LDB3: variants seen among roughly 807,000 people sequenced by gnomAD.
LDB3 encodes the protein LIM domain-binding protein 3.
A neutral mutation model predicts 69.0 loss-of-function variants in LDB3; 49 were observed. The ratio of observed to expected loss-of-function variants is 0.71; its 90% CI spans 0.56 to 0.90. LDB3 has a LOEUF of 0.90. Ranked by LOEUF, LDB3 falls within the 40% of genes least tolerant of loss-of-function variation. The pLI is 0.00. For synonymous variants in LDB3, 387 were observed against 396.2 expected (o/e 0.98, Z 0.28); for missense variants, 928 against 974.1 (o/e 0.95, Z 0.63).
chr10:86,697,376 C>T (rs2132434560), intron 7 of LDB3, among the ~76,000 whole-genome samples: 1 of 151,564 alleles, frequency 6.6e-6, no homozygotes, highest in East Asian at 1.9e-4. Context: ...CATGTGACAC[C>T]ACGCCCGGCT....
chr10:86,698,264 A>G (rs1293677247), intron 7 of LDB3, among the ~76,000 whole-genome samples: 2 of 152,260 alleles, frequency 1.3e-5, no homozygotes, highest in Admixed American at 6.5e-5. Flanking sequence ...TGAGTGTCCC[A>G]ATAGTTCATC....
chr10:86,695,021 AG>A (rs1845938893), intron 7 of LDB3, among the ~76,000 whole-genome samples: 1 of 152,206 alleles, frequency 6.6e-6, no homozygotes, highest in African/African-American at 2.4e-5. Context: ...GAGTTTCCCC[AG>A]GAAGGCTTCC....
At chr10:86,693,215 CAT>C (rs1845850018) in intron 7 of LDB3, among the ~76,000 whole-genome samples, 1 of 151,634 alleles carries the variant, frequency 6.6e-6, no homozygotes, top group Non-Finnish European at 1.5e-5. Flanking sequence ...GTCAGGTGCT[CAT>C]AGCATGAGGT....
chr10:86,670,577 T>C (rs1844415899), intron 2 of LDB3, among the ~76,000 whole-genome samples: 1 of 152,214 alleles, frequency 6.6e-6, no homozygotes, highest in Non-Finnish European at 1.5e-5. Flanking sequence ...AGGGTCTATG[T>C]GCCACCTGGC....
At chr10:86,680,556 T>A (rs930527782) in intron 4 of LDB3, among the ~76,000 whole-genome samples, 1 of 152,206 alleles carries the variant, frequency 6.6e-6, no homozygotes, top group African/African-American at 2.4e-5. Flanking sequence ...GAGGCCCAGC[T>A]TGACGAGGAC....
rs539477836 is a variant in LDB3, at chr10:86,692,243, C to T, written c.859+178C>T. On this transcript the variant is annotated intron_variant, in intron 6 of 13. Transcript: ENST00000361373. ...TTCTGGGCCTCTCAGGCAGGCTGTCCGGTGACAGCAGCCTTCTGCTCCAAT... is the reference window on the plus strand; with the variant it reads ...TTCTGGGCCTCTCAGGCAGGCTGTCTGGTGACAGCAGCCTTCTGCTCCAAT... Among the ~76,000 whole-genome samples the T allele has an allele frequency of 9.2e-5, 14 of 152,348 alleles. No homozygotes were observed. In the South Asian group the frequency reaches 2.1e-3, roughly 23 times the overall value.
intron 11 of LDB3, among the ~76,000 whole-genome samples, chr10:86,718,521 A>G (rs528494941): frequency 6.6e-6 from 1 of 152,298 alleles, no homozygotes; most frequent in East Asian, 1.9e-4. Flanking sequence ...TTTATGTAAG[A>G]AAGCACAGAA....
chr10:86,724,378 G>C (rs1847184891), intron 12 of LDB3, among the ~76,000 whole-genome samples: 1 of 152,038 alleles, frequency 6.6e-6, no homozygotes, highest in Non-Finnish European at 1.5e-5. Context: ...GCAGAGGCAG[G>C]TGGATCACAG....
chr10:86,703,221 G>C (rs1846325583), intron 7 of LDB3, among the ~76,000 whole-genome samples: 1 of 152,206 alleles, frequency 6.6e-6, no homozygotes, highest in African/African-American at 2.4e-5. Flanking sequence ...GGGCCATGGA[G>C]AGCAGATAAA....
intron 5 of LDB3, among the ~76,000 whole-genome samples, chr10:86,689,175 C>G (rs1845643714): frequency 6.6e-6 from 1 of 152,176 alleles, no homozygotes; most frequent in Non-Finnish European, 1.5e-5. Context: ...GTTTCTGACC[C>G]TAACCCGGCT....
intron 5 of LDB3, among the ~76,000 whole-genome samples, chr10:86,691,280 G>GC (rs1382112110): frequency 1.3e-5 from 2 of 152,304 alleles, no homozygotes; most frequent in Admixed American, 1.3e-4. Flanking sequence ...CTTCCATGCA[G>GC]CCCCACTCCC....
rs377126817 is a variant in LDB3, at chr10:86,699,699, C to A, written c.897-6832C>A. ...GCAGGAGGGGTTTGCTGGCATAACA[C>A]CCCAGAACCAAGGGAAATGGATGGG... On this transcript the variant is annotated intron_variant, in intron 7 of 13. Coordinates refer to ENST00000361373, the MANE Select transcript of LDB3 (RefSeq NM_007078.3). This position sits in a 1 kb window ranked among gnomAD's most constrained non-coding sequence, Gnocchi z 4.9. The A allele has an allele frequency of 2.7e-4, 318 of 1,189,094 alleles. No individual in the cohort carries two copies. The African/African-American group carries it at 4.5e-3, about 17-fold the overall frequency. The allele number at this position is 1,189,094 out of a possible 1,614,324, so 73.7% of individuals were successfully genotyped here.
intron 7 of LDB3, among the ~76,000 whole-genome samples, chr10:86,694,658 C>A (rs7086308): frequency 0.06 from 9,150 of 152,250 alleles, 865 homozygotes; most frequent in African/African-American, 0.21. Flanking sequence ...TCACTGAATC[C>A]CAAGCAGTGA....
intron 9 of LDB3, among the ~76,000 whole-genome samples, chr10:86,715,814 C>T (rs1292670047): frequency 6.6e-6 from 1 of 152,080 alleles, no homozygotes; most frequent in Non-Finnish European, 1.5e-5. Flanking sequence ...AAACCTGAAA[C>T]CTGAACCTGA....
rs1349777020 is a variant in LDB3, at chr10:86,699,097, C to A, written c.896+6526C>A. On this transcript the variant is annotated intron_variant, in intron 7 of 13. Transcript: ENST00000361373. The surrounding 1 kb of genome is among the most constrained non-coding windows in gnomAD (Gnocchi z 4.9). ...AGGCCTGACCTGGGTTACAATGTAC[C>A]CCATGGATTGCATAGCTTCTCCAAG... Among the ~76,000 whole-genome samples, 2 of 152,062 alleles carry A rather than the reference C, an allele frequency of 1.3e-5. No homozygotes were observed. Among genetic ancestry groups the A allele is most frequent in the African/African-American group, 2.4e-5 (1 of 41,410 alleles).
intron 2 of LDB3, among the ~76,000 whole-genome samples, chr10:86,670,032 T>TCCG (rs202060591): frequency 6.6e-6 from 1 of 151,486 alleles, no homozygotes; most frequent in South Asian, 2.1e-4. Flanking sequence ...GAGTAATCTT[T>TCCG]TTTTTGTTCC....
At chr10:86,668,411 G>A (rs1264590308), upstream of LDB3, 9 of 526,560 alleles carry the variant, frequency 1.7e-5, no homozygotes, top group African/African-American at 1.7e-4. Flanking sequence ...TGGTGGACCG[G>A]CTGGGAGGCG....
chr10:86,712,694 A>G (rs765593506), intron 9 of LDB3, among the ~76,000 whole-genome samples: 4 of 152,230 alleles, frequency 2.6e-5, no homozygotes, highest in Non-Finnish European at 4.4e-5. Context: ...GAAATTTCCT[A>G]TTAGCCACAT....
chr10:86,711,787 C>T (rs1320549243), intron 9 of LDB3, among the ~76,000 whole-genome samples: 2 of 149,432 alleles, frequency 1.3e-5, no homozygotes, highest in Non-Finnish European at 3.0e-5. Flanking sequence ...GCGCGGAGAC[C>T]CTGCGCGCGG....
Sources: allele counts gnomAD v4.1 joint callset (sites outside exome capture counted in the v4.1 genomes callset), GRCh38; gene constraint gnomAD v4.1.1; non-coding constraint Gnocchi (gnomAD v3.1); transcripts MANE v1.5; gene names NCBI Gene and HGNC (gene_info 2026-07-23, HGNC 2026-07-21).